Variants in ALPL observed in about 807,000 individuals in gnomAD.
The protein encoded by ALPL is alkaline phosphatase, biomineralization associated.
In ALPL, 42 loss-of-function variants were observed where a neutral mutation model predicts 51.3. That is an observed-to-expected ratio of 0.82 (90% CI 0.64 to 1.06). ALPL has a LOEUF of 1.06. Ranked by LOEUF, ALPL falls within the 50% of genes least tolerant of loss-of-function variation. ALPL has a pLI of 0.00. For synonymous variants in ALPL, 279 were observed against 296.4 expected, an observed-to-expected ratio of 0.94 and a Z score of 0.60; for missense variants, 589 against 709.4, an observed-to-expected ratio of 0.83 and a Z score of 1.93.
chr1:21,541,947 C>G (rs1247342516), intron 1 of ALPL, among the ~76,000 whole-genome samples: 2 of 152,126 alleles, frequency 1.3e-5, no homozygotes, highest in Non-Finnish European at 2.9e-5. Flanking sequence ...TACTATAATC[C>G]CCAGCACTGG....
At chr1:21,511,585 C>T (rs557350893) in intron 1 of ALPL, among the ~76,000 whole-genome samples, 2 of 152,382 alleles carry the variant, frequency 1.3e-5, no homozygotes, top group East Asian at 3.9e-4. Flanking sequence ...CCTTCCCATC[C>T]TGTTGGGCTA....
At chr1:21,525,817 G>A (rs1015742750) in intron 1 of ALPL, among the ~76,000 whole-genome samples, 6 of 152,122 alleles carry the variant, frequency 3.9e-5, no homozygotes, top group African/African-American at 7.2e-5. Context: ...GTGAAACCTC[G>A]TCTCTACTAA....
chr1:21,575,010 C>G (rs1644707296), intron 9 of ALPL, among the ~76,000 whole-genome samples: 2 of 152,256 alleles, frequency 1.3e-5, no homozygotes, highest in South Asian at 2.1e-4. Context: ...GGCCAAGCCT[C>G]CAGCCAGGCC....
chr1:21,578,034 C>A lies in ALPL; in HGVS notation c.*386C>A, dbSNP rs1644766799. On this transcript the variant is annotated 3_prime_UTR_variant, in exon 12 of 12. Transcript: ENST00000374840. The surrounding 1 kb of genome is among the most constrained non-coding windows in gnomAD (Gnocchi z 4.2). The stretch of plus-strand genomic sequence containing the variant: ...TGACCCTCCCAGTCTCATCTCCTGA[C>A]CCTCCCACTCCCATCTCCTTACCTC... 3.3e-6 allele frequency: 1 copy of A among 300,124 alleles called. No individual in the cohort carries two copies. Among genetic ancestry groups the A allele is most frequent in the Non-Finnish European group, 6.4e-6 (1 of 157,180 alleles). 18.6% of individuals were successfully genotyped at this position (300,124 alleles called of 1,614,324 possible). A position where few individuals can be genotyped will look rare whatever the true frequency, so the allele number is the denominator to read the frequency against.
intron 1 of ALPL, among the ~76,000 whole-genome samples, chr1:21,512,173 G>A (rs550106037): frequency 7.9e-5 from 12 of 152,226 alleles, no homozygotes; most frequent in Non-Finnish European, 1.2e-4. Flanking sequence ...CCATGTCGTC[G>A]TCCTTGGCAG....
At chr1:21,568,018 C>T in intron 6 of ALPL, 86 bp from the exon 7 acceptor site, 1 of 1,592,368 alleles carries the variant, frequency 6.3e-7, no homozygotes. Context: ...TCCAGGGACT[C>T]CAGGAGTCCA....
chr1:21,548,210 A>T (rs531956379), intron 1 of ALPL, among the ~76,000 whole-genome samples: 2 of 152,342 alleles, frequency 1.3e-5, no homozygotes, highest in South Asian at 4.1e-4. Context: ...CACAGCCCCA[A>T]ACTGGGCCCC....
chr1:21,554,790 T>G (rs1322782849), intron 2 of ALPL, among the ~76,000 whole-genome samples: 1 of 92,316 alleles, frequency 1.1e-5, no homozygotes, highest in African/African-American at 3.8e-5. Flanking sequence ...GCGCCTGGCC[T>G]GTCTGTCTGT....
At chr1:21,573,629 C>T (rs769822371) in intron 8 of ALPL, 36 bp from the exon 9 acceptor site, 3 of 1,611,556 alleles carry the variant, frequency 1.9e-6, no homozygotes, top group African/African-American at 1.3e-5. Context: ...GGGTCACAGC[C>T]TCTCAGCATC....
In ALPL at chr1:21,528,545, T is replaced by G. The variant is rs1173032141; in HGVS notation, c.-105+19028T>G. Among the ~76,000 whole-genome samples the G allele has an allele frequency of 2.7e-5, 4 of 150,936 alleles. No homozygotes were observed. The South Asian group carries it at 6.3e-4, about 24-fold the overall frequency. ...TTTTGTATTTTTAGTAGAGATGAGA[T>G]TTCACCATATTGGCCAGACTGGTCT... is the stretch of plus-strand genomic sequence containing the variant. On this transcript the variant is annotated intron_variant, in intron 1 of 11. Coordinates refer to ENST00000374840, the MANE Select transcript of ALPL (RefSeq NM_000478.6).
intron 8 of ALPL, among the ~76,000 whole-genome samples, chr1:21,571,213 T>G (rs1644642370): frequency 6.6e-6 from 1 of 152,214 alleles, no homozygotes; most frequent in South Asian, 2.1e-4. Context: ...AAGTGATTTC[T>G]CCTCTTTCTG....
chr1:21,547,202 C>G (rs1248399643), intron 1 of ALPL, among the ~76,000 whole-genome samples: 1 of 152,250 alleles, frequency 6.6e-6, no homozygotes, highest in Non-Finnish European at 1.5e-5. Flanking sequence ...GGGCCCTCCC[C>G]CGGGGCTCAA....
rs144766519 is a variant in ALPL, at chr1:21,535,310, G to A, written c.-104-18668G>A. 3.1e-3 allele frequency among the ~76,000 whole-genome samples: 465 copies of A among 152,264 alleles called. 1 individual carries two copies. Among genetic ancestry groups the A allele is most frequent in the African/African-American group, 0.011 (443 of 41,560 alleles). On this transcript the variant is annotated intron_variant, in intron 1 of 11. Coordinates refer to ENST00000374840, the MANE Select transcript of ALPL (RefSeq NM_000478.6). ...TCTCTGGCCACAGCCTGCAAGCAGC[G>A]AGCCATATAGGAGAGGAAAGTTTGG...
At chr1:21,530,956 T>A (rs1364705066) in intron 1 of ALPL, among the ~76,000 whole-genome samples, 2 of 10,634 alleles carry the variant, frequency 1.9e-4, no homozygotes, top group African/African-American at 2.5e-4. Context: ...CATTTTTGAT[T>A]TTTTTTTTTT....
chr1:21,575,442 G>A (rs1048261679), intron 9 of ALPL, among the ~76,000 whole-genome samples: 1 of 152,168 alleles, frequency 6.6e-6, no homozygotes, highest in Non-Finnish European at 1.5e-5. Context: ...AGTGCTGGGA[G>A]GGGCGGTGGG....
chr1:21,570,656 C>T (rs934499783), intron 8 of ALPL, among the ~76,000 whole-genome samples: 11 of 152,306 alleles, frequency 7.2e-5, no homozygotes, highest in East Asian at 1.9e-4. Context: ...GACAGCGGTA[C>T]GGCCCAGGCA....
chr1:21,564,132 A>G lies in ALPL; in HGVS notation c.564A>G (p.Ser188=). 1 of 1,614,092 alleles carries G rather than the reference A, an allele frequency of 6.2e-7. No homozygotes were observed. Among genetic ancestry groups the G allele is most frequent in the African/African-American group, 1.3e-5 (1 of 75,038 alleles). The change falls in exon 6 of 12, where the codon TCA becomes TCG. Residue 188 remains serine, a synonymous_variant. Coordinates refer to ENST00000374840, the MANE Select transcript of ALPL (RefSeq NM_000478.6). This position sits in a 1 kb window ranked among gnomAD's most constrained non-coding sequence, Gnocchi z 5.8. ...YAHSADRDWY[S]DNEMPPEALS... The stretch of plus-strand genomic sequence containing the variant: ...ACTCGGCTGACCGGGACTGGTACTC[A>G]GACAACGAGATGCCCCCTGAGGCCT...
At position 21,576,250 on chromosome 1, in the gene ALPL, GGAT is replaced by G. The variant is rs750945581; in HGVS notation, c.1190-267_1190-265del. 0.15 allele frequency among the ~76,000 whole-genome samples: 22,084 copies of G among 143,096 alleles called. 1,873 individuals carry two copies. The highest frequency in any genetic ancestry group is 0.2 in the Non-Finnish European group (12,738 of 64,070). The allele number at this position is 143,096 out of a possible 152,430, so 93.9% of individuals were successfully genotyped here. ...TGGATGGATGGATGGATGGATGGAT[GGAT>G]GATGGATGGATGGATGGGTGGATGG... On this transcript the variant is annotated intron_variant, in intron 10 of 11. Coordinates refer to ENST00000374840, the MANE Select transcript of ALPL (RefSeq NM_000478.6).
intron 1 of ALPL, among the ~76,000 whole-genome samples, chr1:21,551,719 GTTTTTT>G (rs397861981): frequency 3.3e-5 from 2 of 61,440 alleles, no homozygotes; most frequent in African/African-American, 6.2e-5. Flanking sequence ...AGCTTGCGTG[GTTTTTT>G]TTTTTTTTTT....
Sources: gnomAD v4.1 joint callset for allele counts (sites outside exome capture counted in the v4.1 genomes callset) on GRCh38, gnomAD v4.1.1 for gene constraint, Gnocchi (gnomAD v3.1) non-coding constraint, MANE v1.5 for transcripts, NCBI Gene and HGNC (gene_info 2026-07-23, HGNC 2026-07-21) for gene names.